Variants in KLHL32 observed in about 807,000 individuals in gnomAD.
KLHL32 encodes kelch like family member 32, also known as kelch-like protein 32.
Under a neutral mutation model 64.8 loss-of-function variants are expected in KLHL32, and 35 were observed. The observed-to-expected ratio is 0.54, with a 90% CI of 0.41 to 0.72. KLHL32 has a LOEUF of 0.72. Ranked by LOEUF, KLHL32 falls within the 30% of genes least tolerant of loss-of-function variation. The probability of loss-of-function intolerance (pLI) is 0.00; values close to 1 mark genes in which losing one functional copy is unlikely to be tolerated. For missense variants in KLHL32, 589 were observed against 768.5 expected, an observed-to-expected ratio of 0.77 and a Z score of 2.76; for synonymous variants, 259 against 281.0, an observed-to-expected ratio of 0.92 and a Z score of 0.78.
intron 2 of KLHL32, among the ~76,000 whole-genome samples, chr6:96,971,328 A>G (rs1387730431): frequency 5.3e-5 from 8 of 152,202 alleles, no homozygotes; most frequent in African/African-American, 1.9e-4. Flanking sequence ...ATCAAACCCT[A>G]TAGGATTTCT....
At chr6:96,936,058 CTGACTGCCT>C (rs1330059013) in intron 1 of KLHL32, among the ~76,000 whole-genome samples, 1 of 152,196 alleles carries the variant, frequency 6.6e-6, no homozygotes, top group African/African-American at 2.4e-5. Flanking sequence ...TCAGGAGTGA[CTGACTGCCT>C]TTGGTGTCAC....
chr6:97,013,937 A>G (rs1264595915), intron 3 of KLHL32, among the ~76,000 whole-genome samples: 4 of 152,186 alleles, frequency 2.6e-5, no homozygotes, highest in African/African-American at 9.7e-5. Flanking sequence ...AAAAATTAAC[A>G]TAAGTGCAGT....
At chr6:97,133,278 G>A (rs900562076) in intron 10 of KLHL32, among the ~76,000 whole-genome samples, 10 of 152,298 alleles carry the variant, frequency 6.6e-5, no homozygotes, top group African/African-American at 1.9e-4. Flanking sequence ...AGCCCAGGCT[G>A]GGCAAGTTGC....
At chr6:97,045,837 A>G (rs1039256540) in intron 4 of KLHL32, among the ~76,000 whole-genome samples, 1 of 152,238 alleles carries the variant, frequency 6.6e-6, no homozygotes, top group Non-Finnish European at 1.5e-5. Context: ...GAAGAAACCT[A>G]CTTGGAAAGC....
At chr6:96,931,996 TGGA>T (rs1296954016) in intron 1 of KLHL32, among the ~76,000 whole-genome samples, 1 of 152,142 alleles carries the variant, frequency 6.6e-6, no homozygotes, top group African/African-American at 2.4e-5. Context: ...GATATCTGAG[TGGA>T]GGAGATTTAT....
chr6:97,133,064 C>T (rs979772673), intron 10 of KLHL32, among the ~76,000 whole-genome samples: 3 of 152,138 alleles, frequency 2.0e-5, no homozygotes, highest in African/African-American at 7.2e-5. Flanking sequence ...GCAATAGTTC[C>T]TTCATATCCC....
intron 1 of KLHL32, among the ~76,000 whole-genome samples, chr6:96,958,401 G>A (rs990996594): frequency 1.3e-5 from 2 of 152,210 alleles, no homozygotes; most frequent in Middle Eastern, 3.4e-3. Flanking sequence ...AGGATGAATA[G>A]GGGTTAACCA....
intron 3 of KLHL32, among the ~76,000 whole-genome samples, chr6:96,993,294 T>G (rs1582627285): frequency 6.6e-6 from 1 of 152,090 alleles, no homozygotes; most frequent in Non-Finnish European, 1.5e-5. Context: ...AAAGGGTTGA[T>G]TGGAGGCTAG....
At chr6:97,017,067 G>A (rs934219071) in intron 3 of KLHL32, among the ~76,000 whole-genome samples, 3 of 152,092 alleles carry the variant, frequency 2.0e-5, no homozygotes, top group African/African-American at 4.8e-5. Flanking sequence ...TTATAGCAGT[G>A]TGAAAATGGA....
intron 1 of KLHL32, among the ~76,000 whole-genome samples, chr6:96,950,863 A>T (rs1314943514): frequency 6.6e-6 from 1 of 152,208 alleles, no homozygotes; most frequent in African/African-American, 2.4e-5. Context: ...ATTCCACAAC[A>T]GAAGACATTC....
intron 4 of KLHL32, among the ~76,000 whole-genome samples, chr6:97,062,155 A>G (rs1220034988): frequency 1.3e-5 from 2 of 152,268 alleles, no homozygotes; most frequent in African/African-American, 4.8e-5. Context: ...CCTGCTGGAC[A>G]TGTAACACAT....
At chr6:96,903,269 A>AAT in the KLHL32 span, among the ~76,000 whole-genome samples, 1 of 151,628 alleles carries the variant, frequency 6.6e-6, no homozygotes, top group South Asian at 2.1e-4. Flanking sequence ...AATATATATA[A>AAT]ATATATATAC....
chr6:97,067,170 T>A (rs977196366), intron 5 of KLHL32, among the ~76,000 whole-genome samples: 1 of 152,182 alleles, frequency 6.6e-6, no homozygotes, highest in Non-Finnish European at 1.5e-5. Flanking sequence ...GGAAGCTCCC[T>A]GAGCCTCACC....
Position 97,132,737 on chromosome 6 carries a change from C to T in KLHL32, c.1691C>T (p.Ala564Val), listed in dbSNP as rs1380425414. ...TCAATTTGGACAAATGAGCCTCTGG[C>T]TTGTATCCAGGTGAGTGGTAGAAGT... The part of the protein sequence containing the change: ...GYSIWTNEPL[A>V]CIQVLDVSRE... Residue 564 changes from alanine to valine, a missense_variant, in exon 10 of 11, where the codon GCT (alanine) becomes GTT (valine). By Grantham distance (64) the Ala-to-Val change is moderately conservative. Transcript: ENST00000369261. The T allele has an allele frequency of 6.2e-7, 1 of 1,610,414 alleles. No homozygotes were observed. The highest frequency in any genetic ancestry group is 8.5e-7 in the Non-Finnish European group (1 of 1,177,648).
At chr6:97,100,110 C>A (rs1052941508) in intron 6 of KLHL32, among the ~76,000 whole-genome samples, 3 of 151,910 alleles carry the variant, frequency 2.0e-5, no homozygotes, top group Admixed American at 2.0e-4. Flanking sequence ...CCACTGTACT[C>A]CAGCCTAGGT....
chr6:96,908,070 G>A, the KLHL32 span, among the ~76,000 whole-genome samples: 1 of 152,198 alleles, frequency 6.6e-6, no homozygotes, highest in Non-Finnish European at 1.5e-5. Context: ...TTGTACTCCT[G>A]TGTACTGGTG....
intron 2 of KLHL32, among the ~76,000 whole-genome samples, chr6:96,975,742 C>T (rs1198191113): frequency 6.6e-6 from 1 of 152,020 alleles, no homozygotes; most frequent in Admixed American, 6.6e-5. Context: ...CACAGATGAA[C>T]ACACACAAAC....
chr6:97,025,198 C>T (rs969110221), intron 3 of KLHL32: 3 of 852,374 alleles, frequency 3.5e-6, no homozygotes, highest in East Asian at 1.2e-4. Flanking sequence ...TTCTGTTTAT[C>T]GTCTTTGTAA....
intron 4 of KLHL32, among the ~76,000 whole-genome samples, chr6:97,057,175 T>C (rs1192278927): frequency 3.3e-5 from 3 of 89,974 alleles, no homozygotes; most frequent in Non-Finnish European, 6.2e-5. Context: ...TGAGTATCTT[T>C]TTTTTTTTTT....
Sources: allele counts gnomAD v4.1 joint callset (sites outside exome capture counted in the v4.1 genomes callset), GRCh38; gene constraint gnomAD v4.1.1; transcripts MANE v1.5; gene names NCBI Gene and HGNC (gene_info 2026-07-23, HGNC 2026-07-21).